The following SMG6 variants were observed in gnomAD, a reference collection of about 807,000 sequenced individuals.
SMG6 encodes the protein telomerase-binding protein EST1A.
A neutral mutation model predicts 142.2 loss-of-function variants in SMG6; 66 were observed. The observed-to-expected ratio is 0.46, with a 90% CI of 0.38 to 0.57. The LOEUF (loss-of-function observed/expected upper bound fraction) is 0.57. Among genes scored for constraint, SMG6 ranks in the 20% least tolerant of loss-of-function variants. The pLI is 0.00. For synonymous variants in SMG6, 779 were observed against 702.4 expected, an observed-to-expected ratio of 1.11 and a Z score of -1.72; for missense variants, 1,793 against 1,832.0, an observed-to-expected ratio of 0.98 and a Z score of 0.39.
At chr17:2,150,688 C>T (rs964712489) in intron 13 of SMG6, among the ~76,000 whole-genome samples, 1 of 152,104 alleles carries the variant, frequency 6.6e-6, no homozygotes, top group African/African-American at 2.4e-5. Context: ...ATTGCTGTTC[C>T]CAGAAGTCAG....
At chr17:2,253,119 T>TTTTATTTTATTTATTTA (rs1555565844) in intron 8 of SMG6, among the ~76,000 whole-genome samples, 2 of 130,652 alleles carry the variant, frequency 1.5e-5, no homozygotes, top group Non-Finnish European at 3.2e-5. Flanking sequence ...AAATATTTTA[T>TTTTATTTTATTTATTTA]TTTATTTATT....
chr17:2,091,766 G>A (rs1457790117), intron 13 of SMG6, among the ~76,000 whole-genome samples: 1 of 150,854 alleles, frequency 6.6e-6, no homozygotes, highest in African/African-American at 2.4e-5. Flanking sequence ...TGCCTCCCGC[G>A]TTCACGCCAT....
At chr17:2,188,281 T>G in intron 11 of SMG6, 118 bp downstream of exon 11, 2 of 775,254 alleles carry the variant, frequency 2.6e-6, no homozygotes, top group Non-Finnish European at 4.2e-6. Flanking sequence ...GGCATGTAGG[T>G]AAGAGGAAGA....
At chr17:2,188,028 A>T (rs560059736) in intron 11 of SMG6, among the ~76,000 whole-genome samples, 160 of 152,256 alleles carry the variant, frequency 1.1e-3, no homozygotes, top group Non-Finnish European at 2.0e-3. Flanking sequence ...TACAGAACTC[A>T]CCAGGTACCA....
intron 13 of SMG6, among the ~76,000 whole-genome samples, chr17:2,124,655 T>C (rs2069813006): frequency 6.6e-6 from 1 of 151,992 alleles, no homozygotes. Context: ...ACCTGTGATC[T>C]CCCCGGGGAG....
intron 17 of SMG6, 64 bp from the exon 18 acceptor site, chr17:2,065,218 AGGGAT>A: frequency 7.4e-7 from 1 of 1,359,440 alleles, no homozygotes; most frequent in Non-Finnish European, 1.0e-6. Flanking sequence ...GAGGAGGAGG[AGGGAT>A]CCTCTGCCTC....
chr17:2,164,586 T>C (rs1276487708), intron 13 of SMG6, among the ~76,000 whole-genome samples: 2 of 151,274 alleles, frequency 1.3e-5, no homozygotes, highest in Non-Finnish European at 2.9e-5. Context: ...CCAGCCTGAG[T>C]GACAGAGTAA....
In SMG6 at chr17:2,303,427, G is replaced by A; in HGVS notation, c.88+206C>T. 2.4e-6 allele frequency: 3 copies of A among 1,260,760 alleles called. No homozygotes were observed. The South Asian group carries it at 8.8e-5, about 37-fold the overall frequency. The allele number at this position is 1,260,760 out of a possible 1,614,324, so 78.1% of individuals were successfully genotyped here. A position where few individuals can be genotyped will look rare whatever the true frequency, so the allele number is the denominator to read the frequency against. On this transcript the variant is annotated intron_variant, in intron 1 of 18. Transcript: ENST00000263073. ...GCAGGAATTCGGGCCAGGCTCTCCC[G>A]GAGCTGGCCAGGACTGGCCGAGCCC... is the stretch of plus-strand genomic sequence containing the variant.
intron 10 of SMG6, among the ~76,000 whole-genome samples, chr17:2,214,913 C>T (rs62069334): frequency 6.6e-5 from 10 of 152,142 alleles, no homozygotes; most frequent in African/African-American, 2.4e-4. Context: ...GCAGAGGGGT[C>T]TGTGGTTACT....
intron 15 of SMG6, among the ~76,000 whole-genome samples, chr17:2,069,689 T>G (rs2068046798): frequency 6.6e-6 from 1 of 152,014 alleles, no homozygotes; most frequent in African/African-American, 2.4e-5. Flanking sequence ...AATACGAAAT[T>G]CTCCTGCAGC....
At position 2,167,850 on chromosome 17, in the gene SMG6, A is replaced by C. The variant is rs1490478641; in HGVS notation, c.3357+4808T>G. On this transcript the variant is annotated intron_variant, in intron 13 of 18. Coordinates refer to ENST00000263073, the MANE Select transcript of SMG6 (RefSeq NM_017575.5). ...GTAATGAACACTAGAAGCTGGAGGA[A>C]ATGTTTATATTTTTCAAATTTCCTT... 2.0e-5 allele frequency among the ~76,000 whole-genome samples: 3 copies of C among 152,202 alleles called. No homozygotes were observed. The East Asian group carries it at 5.8e-4, about 29-fold the overall frequency.
chr17:2,200,716 T>G (rs879190425), intron 10 of SMG6, among the ~76,000 whole-genome samples: 1 of 152,118 alleles, frequency 6.6e-6, no homozygotes, highest in Non-Finnish European at 1.5e-5. Flanking sequence ...TTAATTTTAT[T>G]TATTTATGAA....
intron 10 of SMG6, among the ~76,000 whole-genome samples, chr17:2,234,026 G>A (rs866284091): frequency 3.9e-5 from 6 of 152,110 alleles, no homozygotes; most frequent in African/African-American, 4.8e-5. Flanking sequence ...ACCTCATCGA[G>A]GTGACAATGA....
chr17:2,110,402 T>C (rs1357965401), intron 13 of SMG6, among the ~76,000 whole-genome samples: 1 of 152,190 alleles, frequency 6.6e-6, no homozygotes, highest in Non-Finnish European at 1.5e-5. Context: ...TACTGACATA[T>C]GTGATTAACT....
intron 15 of SMG6, among the ~76,000 whole-genome samples, chr17:2,069,710 G>C (rs2068047775): frequency 6.6e-6 from 1 of 152,244 alleles, no homozygotes; most frequent in Non-Finnish European, 1.5e-5. Flanking sequence ...AGCAGCCGAA[G>C]TCCGTGCAAT....
chr17:2,188,217 G>C (rs1316401995), intron 11 of SMG6, among the ~76,000 whole-genome samples, 182 bp downstream of exon 11: 2 of 152,138 alleles, frequency 1.3e-5, no homozygotes, highest in Admixed American at 6.5e-5. Context: ...GGGCCTTAGA[G>C]GCAATCAGAC....
intron 8 of SMG6, among the ~76,000 whole-genome samples, chr17:2,273,294 T>C (rs1270858653): frequency 6.6e-6 from 1 of 152,162 alleles, no homozygotes; most frequent in African/African-American, 2.4e-5. Context: ...GGTGGGCGGA[T>C]CACTTAAGGT....
intron 13 of SMG6, among the ~76,000 whole-genome samples, chr17:2,133,300 C>A (rs1274439553): frequency 1.3e-5 from 2 of 152,108 alleles, no homozygotes; most frequent in Non-Finnish European, 2.9e-5. Flanking sequence ...TAAGACAAAG[C>A]AAGTCCTCAG....
At chr17:2,078,413 C>T (rs1023221720) in intron 15 of SMG6, among the ~76,000 whole-genome samples, 13 of 150,992 alleles carry the variant, frequency 8.6e-5, no homozygotes, top group Non-Finnish European at 1.6e-4. Context: ...GAGTCTCGCC[C>T]AGGGCTAAAG....
Sources: gnomAD v4.1 joint callset for allele counts (sites outside exome capture counted in the v4.1 genomes callset) on GRCh38, gnomAD v4.1.1 for gene constraint, MANE v1.5 for transcripts, NCBI Gene and HGNC (gene_info 2026-07-23, HGNC 2026-07-21) for gene names.